UNC5C: variants seen among roughly 807,000 people sequenced by gnomAD.
UNC5C encodes the protein unc-5 netrin receptor C.
Under a neutral mutation model 99.8 loss-of-function variants are expected in UNC5C, and 47 were observed. The observed-to-expected ratio is 0.47, with a 90% confidence interval of 0.37 to 0.60. UNC5C has a LOEUF of 0.60. Ranked by LOEUF, UNC5C falls within the 20% of genes least tolerant of loss-of-function variation. UNC5C has a pLI of 0.00. For synonymous variants in UNC5C, 487 were observed against 452.2 expected, an observed-to-expected ratio of 1.08 and a Z score of -0.98; for missense variants, 1,062 against 1,165.9, an observed-to-expected ratio of 0.91 and a Z score of 1.30.
intron 1 of UNC5C, among the ~76,000 whole-genome samples, chr4:95,493,402 C>G (rs1721552394): frequency 6.6e-6 from 1 of 151,418 alleles, no homozygotes. Flanking sequence ...TGGTCAGGAA[C>G]AGACTTTTAA....
chr4:95,371,911 T>C (rs923977749), intron 1 of UNC5C, among the ~76,000 whole-genome samples: 2 of 152,174 alleles, frequency 1.3e-5, no homozygotes, highest in Admixed American at 6.6e-5. Flanking sequence ...GTTCTGCATT[T>C]CTTAGTATAG....
intron 1 of UNC5C, among the ~76,000 whole-genome samples, chr4:95,415,700 C>G (rs74580355): frequency 9.8e-4 from 149 of 152,098 alleles, no homozygotes; most frequent in African/African-American, 3.4e-3. Context: ...CCCAAAACAA[C>G]TTGATGGTTA....
At chr4:95,183,463 G>A (rs551208893) in intron 13 of UNC5C, among the ~76,000 whole-genome samples, 3 of 152,040 alleles carry the variant, frequency 2.0e-5, no homozygotes, top group Middle Eastern at 3.4e-3. Context: ...AATCCCTGTC[G>A]TGACATTCTG....
chr4:95,327,181 AC>A (rs927578847), intron 2 of UNC5C, among the ~76,000 whole-genome samples: 6 of 151,134 alleles, frequency 4.0e-5, no homozygotes, highest in Non-Finnish European at 8.8e-5. Context: ...TTCAGGGAAA[AC>A]CCCCCAACCT....
In UNC5C at chr4:95,548,880, G is replaced by A; in HGVS notation, c.-23C>T. 1 of 1,611,248 alleles carries A rather than the reference G, an allele frequency of 6.2e-7. No individual in the cohort carries two copies. The highest frequency in any genetic ancestry group is 8.5e-7 in the Non-Finnish European group (1 of 1,179,120). ...CATCGTAGACAGAGGTGTGCCGGGG[G>A]GAGGGGAGGGGGACAGAGAGACGCG... On this transcript the variant is annotated 5_prime_UTR_variant, in exon 1 of 16. Coordinates refer to ENST00000453304, the MANE Select transcript of UNC5C (RefSeq NM_003728.4).
At chr4:95,415,133 A>T (rs879723019) in intron 1 of UNC5C, among the ~76,000 whole-genome samples, 2 of 152,162 alleles carry the variant, frequency 1.3e-5, no homozygotes, top group Non-Finnish European at 2.9e-5. Flanking sequence ...TCTTAAAGGG[A>T]TCACCAGAAG....
chr4:95,370,065 C>T, intron 1 of UNC5C, among the ~76,000 whole-genome samples: 1 of 152,164 alleles, frequency 6.6e-6, no homozygotes, highest in Non-Finnish European at 1.5e-5. Flanking sequence ...AAGGCTTGGT[C>T]TAGAGCTGCG....
At chr4:95,541,012 A>C (rs1004735238) in intron 1 of UNC5C, among the ~76,000 whole-genome samples, 1 of 152,212 alleles carries the variant, frequency 6.6e-6, no homozygotes, top group Non-Finnish European at 1.5e-5. Context: ...ATGAAATTCC[A>C]AAAAGATATT....
At chr4:95,374,607 T>C (rs1392539212) in intron 1 of UNC5C, among the ~76,000 whole-genome samples, 1 of 152,024 alleles carries the variant, frequency 6.6e-6, no homozygotes, top group African/African-American at 2.4e-5. Flanking sequence ...CTAGAGCCAT[T>C]TGAGCAGAAA....
rs2062156591 is a variant in UNC5C at position 95,185,185 on chromosome 4, A to T, written c.2148T>A (p.His716Gln). 1 of 1,607,190 alleles carries T rather than the reference A, an allele frequency of 6.2e-7. No individual in the cohort carries two copies. Among genetic ancestry groups the T allele is most frequent in the Non-Finnish European group, 8.5e-7 (1 of 1,178,018 alleles). Residue 716 changes from histidine (H) to glutamine (Q), a missense_variant, in exon 13 of 16, where the codon CAT (histidine) becomes CAA (glutamine). His to Gln is a conservative substitution (Grantham distance 24). This residue lies in a region of UNC5C where 810 missense variants were observed against 854.5 expected (regional missense o/e 0.95). Transcript: ENST00000453304. Reference sequence around the variant, plus strand: ...GCTGTCCTCCCATCTGTCTCTCAAGATGTAAAATTTCCTATAATGACATGC... The same window carrying T: ...GCTGTCCTCCCATCTGTCTCTCAAGTTGTAAAATTTCCTATAATGACATGC... ...DTQDALKEILHLERQMGGQLL... is the reference protein window; with the variant it reads ...DTQDALKEILQLERQMGGQLL...
chr4:95,492,691 A>T (rs1721528934), intron 1 of UNC5C, among the ~76,000 whole-genome samples: 1 of 151,570 alleles, frequency 6.6e-6, no homozygotes, highest in South Asian at 2.1e-4. Context: ...AGATTAAGTT[A>T]CTAATGGAGA....
At chr4:95,425,701 G>A (rs1343985168) in intron 1 of UNC5C, among the ~76,000 whole-genome samples, 3 of 152,082 alleles carry the variant, frequency 2.0e-5, no homozygotes, top group East Asian at 1.9e-4. Flanking sequence ...AACATAAAGC[G>A]TATAATTTGA....
chr4:95,267,969 A>C (rs989606261), intron 4 of UNC5C, among the ~76,000 whole-genome samples: 2 of 29,998 alleles, frequency 6.7e-5, no homozygotes, highest in African/African-American at 3.5e-4. Flanking sequence ...TTTTTTTTTG[A>C]GACGGAGTTC....
At chr4:95,176,891 G>A (rs1039204263) in intron 14 of UNC5C, among the ~76,000 whole-genome samples, 19 of 152,222 alleles carry the variant, frequency 1.2e-4, no homozygotes, top group African/African-American at 1.7e-4. Flanking sequence ...AGCAATCAGC[G>A]AGACTCTGTG....
chr4:95,270,101 T>C (rs900995159), intron 4 of UNC5C, among the ~76,000 whole-genome samples: 1 of 152,102 alleles, frequency 6.6e-6, no homozygotes, highest in African/African-American at 2.4e-5. Flanking sequence ...TGCTCCGGAG[T>C]TTGAAGTCCT....
intron 14 of UNC5C, among the ~76,000 whole-genome samples, chr4:95,177,361 G>T (rs1210763715): frequency 6.6e-6 from 1 of 152,136 alleles, no homozygotes; most frequent in African/African-American, 2.4e-5. Context: ...TTTGGTTCCT[G>T]CTGAGTGCTC....
chr4:95,214,230 C>T (rs142206000), intron 10 of UNC5C, among the ~76,000 whole-genome samples: 1 of 152,330 alleles, frequency 6.6e-6, no homozygotes, highest in African/African-American at 2.4e-5. Context: ...TCTCATTTAT[C>T]TGAAACTGTT....
chr4:95,189,602 G>A (rs1313019834), intron 12 of UNC5C, among the ~76,000 whole-genome samples: 1 of 152,122 alleles, frequency 6.6e-6, no homozygotes, highest in Non-Finnish European at 1.5e-5. Flanking sequence ...CTGACAAAGG[G>A]CTAATATCCA....
At chr4:95,504,870 TC>T (rs1721873828) in intron 1 of UNC5C, among the ~76,000 whole-genome samples, 1 of 152,074 alleles carries the variant, frequency 6.6e-6, no homozygotes, top group Admixed American at 6.6e-5. Context: ...TTGGGGGTGG[TC>T]TGTTTTATAG....
Sources: gnomAD v4.1 joint callset for allele counts (sites outside exome capture counted in the v4.1 genomes callset) on GRCh38, gnomAD v4.1.1 for gene constraint, gnomAD v4.1.1 regional missense constraint, MANE v1.5 for transcripts, NCBI Gene and HGNC (gene_info 2026-07-23, HGNC 2026-07-21) for gene names.